Variants in CDH5 observed in about 807,000 individuals in gnomAD.
CDH5 encodes the protein cadherin 5.
A neutral mutation model predicts 62.0 loss-of-function variants in CDH5; 28 were observed. The observed-to-expected ratio is 0.45, with a 90% CI of 0.33 to 0.62. The LOEUF (loss-of-function observed/expected upper bound fraction) is 0.62, where lower values mean the gene tolerates loss of function less well. Among genes scored for constraint, CDH5 ranks in the 20% least tolerant of loss-of-function variants. CDH5 has a pLI of 0.02. For synonymous variants in CDH5, 464 were observed against 445.8 expected (o/e 1.04, Z -0.52); for missense variants, 940 against 1,065.1 (o/e 0.88, Z 1.63).
At chr16:66,374,230 G>A (rs1176858395) in intron 1 of CDH5, among the ~76,000 whole-genome samples, 1 of 152,182 alleles carries the variant, frequency 6.6e-6, no homozygotes, top group African/African-American at 2.4e-5. Flanking sequence ...ACCGTCCCAG[G>A]CGAGAAAGAG....
At position 66,393,951 on chromosome 16, in the gene CDH5, C is replaced by G. The variant is rs578037806; in HGVS notation, c.1217+1568C>G. On this transcript the variant is annotated intron_variant, in intron 7 of 11. Coordinates refer to ENST00000341529, the MANE Select transcript of CDH5 (RefSeq NM_001795.5). Reference sequence around the variant, plus strand: ...TTCATTGCCATTCTTTTCTAAATAGCCTGTAATTATAATTTTTGTTTCTCC... The same window carrying G: ...TTCATTGCCATTCTTTTCTAAATAGGCTGTAATTATAATTTTTGTTTCTCC... Among the ~76,000 whole-genome samples the G allele has an allele frequency of 4.6e-5, 7 of 152,186 alleles. No homozygotes were observed. In the South Asian group the frequency reaches 1.5e-3, roughly 32 times the overall value.
intron 1 of CDH5, among the ~76,000 whole-genome samples, chr16:66,375,887 G>A (rs1365561846): frequency 2.0e-5 from 3 of 151,686 alleles, no homozygotes; most frequent in Non-Finnish European, 2.9e-5. Context: ...GCGGCGGATC[G>A]CCTGAGGTCA....
intron 4 of CDH5, 33 bp downstream of exon 4, chr16:66,388,473 G>A: frequency 7.2e-7 from 1 of 1,384,798 alleles, no homozygotes; most frequent in Non-Finnish European, 1.0e-6. Context: ...GACAGTCACT[G>A]ATTTGGAGGG....
chr16:66,394,441 C>A (rs909979746), intron 7 of CDH5, among the ~76,000 whole-genome samples: 1 of 152,152 alleles, frequency 6.6e-6, no homozygotes, highest in Non-Finnish European at 1.5e-5. Context: ...AACCTATTTA[C>A]ATTTTTCATC....
At chr16:66,391,401 C>T (rs1045205859) in intron 6 of CDH5, among the ~76,000 whole-genome samples, 6 of 152,024 alleles carry the variant, frequency 3.9e-5, no homozygotes, top group African/African-American at 1.4e-4. Flanking sequence ...TTACCTTCTG[C>T]TTGGCTTCCT....
chr16:66,390,609 A>G lies in CDH5; in HGVS notation c.969+19A>G. On this transcript the variant is annotated intron_variant, in intron 6 of 11. Transcript: ENST00000341529. ...CATGAAGGTTTGTAGGCCAATGGCA[A>G]CAATGTCAAACGTGAGGCTTGGGGC... 1 of 1,611,384 alleles carries G rather than the reference A, an allele frequency of 6.2e-7. No homozygotes were observed. The highest frequency in any genetic ancestry group is 8.5e-7 in the Non-Finnish European group (1 of 1,177,930).
At chr16:66,370,460 T>A (rs1171215557) in intron 1 of CDH5, among the ~76,000 whole-genome samples, 1 of 152,198 alleles carries the variant, frequency 6.6e-6, no homozygotes, top group Non-Finnish European at 1.5e-5. Context: ...TTGTACCTAC[T>A]CTGACCACCC....
At chr16:66,387,426 C>G (rs1961005614) in intron 3 of CDH5, among the ~76,000 whole-genome samples, 1 of 152,196 alleles carries the variant, frequency 6.6e-6, no homozygotes, top group Non-Finnish European at 1.5e-5. Context: ...TGACACTGGT[C>G]ACAGACCAAG....
intron 1 of CDH5, among the ~76,000 whole-genome samples, chr16:66,370,022 C>G (rs1469358464): frequency 1.3e-5 from 2 of 151,778 alleles, no homozygotes; most frequent in African/African-American, 4.8e-5. Flanking sequence ...GTTTTTGAGA[C>G]AGAGTTTTGC....
intron 10 of CDH5, among the ~76,000 whole-genome samples, chr16:66,398,980 G>A (rs1961237222): frequency 6.6e-6 from 1 of 152,208 alleles, no homozygotes; most frequent in Non-Finnish European, 1.5e-5. Context: ...GAGGAGTACA[G>A]AACAGATGTG....
At chr16:66,371,630 C>T (rs1039991552) in intron 1 of CDH5, among the ~76,000 whole-genome samples, 9 of 152,108 alleles carry the variant, frequency 5.9e-5, no homozygotes, top group African/African-American at 2.2e-4. Flanking sequence ...GTGTCCTGGA[C>T]CTGGAGCCTT....
chr16:66,398,057 T>G lies in CDH5; in HGVS notation c.1436T>G (p.Phe479Cys). 1 of 1,614,194 alleles carries G rather than the reference T, an allele frequency of 6.2e-7. No homozygotes were observed. Among genetic ancestry groups the G allele is most frequent in the Non-Finnish European group, 8.5e-7 (1 of 1,180,042 alleles). The change falls in exon 9 of 12, where the codon TTT (phenylalanine) becomes TGT (cysteine). Residue 479 changes from phenylalanine (F) to cysteine (C), a missense_variant. By Grantham distance (205) the Phe-to-Cys change is radical (BLOSUM62 -2). Transcript: ENST00000341529. ...GATGAGAATGACAATGCCCCGGAGTTTGCCAAGCCCTACCAGCCCAAAGTG... is the reference window on the plus strand; with the variant it reads ...GATGAGAATGACAATGCCCCGGAGTGTGCCAAGCCCTACCAGCCCAAAGTG... Reference protein sequence around the residue: ...VLDENDNAPEFAKPYQPKVCE... With the variant: ...VLDENDNAPECAKPYQPKVCE...
intron 1 of CDH5, among the ~76,000 whole-genome samples, chr16:66,375,409 G>A (rs1164801358): frequency 6.6e-6 from 1 of 152,064 alleles, no homozygotes; most frequent in Non-Finnish European, 1.5e-5. Flanking sequence ...AGATGTGCTG[G>A]CACATACCTC....
At chr16:66,397,559 A>T (rs548548566) in intron 8 of CDH5, among the ~76,000 whole-genome samples, 1 of 152,190 alleles carries the variant, frequency 6.6e-6, no homozygotes, top group African/African-American at 2.4e-5. Flanking sequence ...GATGTAAGTG[A>T]CATAGGCATT....
Position 66,402,809 on chromosome 16 carries a change from G to A in CDH5, c.1995G>A (p.Ser665=), listed in dbSNP as rs757575599. ...GCTACGATGTGTCGGTGCTCAACTC[G>A]GTGCGCCGCGGCGGGGCCAAGCCCC... ...TTSYDVSVLN[S]VRRGGAKPPR... Residue 665 remains serine (S), a synonymous_variant, in exon 12 of 12, where the codon TCG becomes TCA. Transcript: ENST00000341529. 13 of 1,599,526 alleles carry A rather than the reference G, an allele frequency of 8.1e-6. No homozygotes were observed. The highest frequency in any genetic ancestry group is 1.1e-5 in the Non-Finnish European group (13 of 1,174,054).
chr16:66,395,506 T>C (rs1256870326), intron 7 of CDH5: 1 of 144,056 alleles, frequency 6.9e-6, no homozygotes, highest in African/African-American at 2.5e-5. Flanking sequence ...TTCTTTTCTT[T>C]TTTTTTTTTT....
intron 9 of CDH5, 51 bp downstream of exon 9, chr16:66,398,157 TG>T (rs766390983): frequency 6.6e-5 from 106 of 1,611,134 alleles, no homozygotes; most frequent in Non-Finnish European, 8.7e-5. Flanking sequence ...TGGGGCAGGC[TG>T]GGGGGCAGAA....
chr16:66,372,464 A>G (rs1204336372), intron 1 of CDH5, among the ~76,000 whole-genome samples: 2 of 152,128 alleles, frequency 1.3e-5, no homozygotes, highest in African/African-American at 4.8e-5. Context: ...TGGGGTGGGG[A>G]GCTTCCCAGA....
intron 3 of CDH5, among the ~76,000 whole-genome samples, chr16:66,387,644 A>G (rs959288052): frequency 1.3e-5 from 2 of 152,238 alleles, no homozygotes; most frequent in African/African-American, 4.8e-5. Context: ...TCTTTGGAAC[A>G]AACTTCACTC....
Sources: gnomAD v4.1 joint callset for allele counts (sites outside exome capture counted in the v4.1 genomes callset) on GRCh38, gnomAD v4.1.1 for gene constraint, MANE v1.5 for transcripts, NCBI Gene and HGNC (gene_info 2026-07-23, HGNC 2026-07-21) for gene names.